AP3B1: variants seen among roughly 807,000 people sequenced by gnomAD.
The protein encoded by AP3B1 is adaptor related protein complex 3 subunit beta 1.
Under a neutral mutation model 132.5 loss-of-function variants are expected in AP3B1, and 61 were observed. The ratio of observed to expected loss-of-function variants is 0.46; its 90% CI spans 0.37 to 0.57. AP3B1 has a LOEUF of 0.57. Among genes scored for constraint, AP3B1 ranks in the 20% least tolerant of loss-of-function variants. The pLI is 0.00. For synonymous variants in AP3B1, 388 were observed against 438.3 expected (o/e 0.89, Z 1.43); for missense variants, 1,120 against 1,289.4 (o/e 0.87, Z 2.01).
At chr5:78,090,836 G>GCAA (rs1750477487) in intron 21 of AP3B1, among the ~76,000 whole-genome samples, 1 of 152,072 alleles carries the variant, frequency 6.6e-6, no homozygotes, top group Non-Finnish European at 1.5e-5. Flanking sequence ...TTTGGAGATA[G>GCAA]GGTCTTGCTC....
chr5:78,166,659 C>T (rs146151201), intron 11 of AP3B1, among the ~76,000 whole-genome samples: 28 of 152,170 alleles, frequency 1.8e-4, no homozygotes, highest in African/African-American at 2.9e-4. Flanking sequence ...AACATAAATA[C>T]ATTCATATCA....
Position 78,036,188 on chromosome 5 carries a change from A to C in AP3B1, c.2810-1743T>G, listed in dbSNP as rs993446940. Reference sequence around the variant, plus strand: ...GATAATTAACTGTGAGCTTAGTGCCATACTAATTCTGGGGGACAGTCCATG... The same window carrying C: ...GATAATTAACTGTGAGCTTAGTGCCCTACTAATTCTGGGGGACAGTCCATG... On this transcript the variant is annotated intron_variant, in intron 23 of 26. Coordinates refer to ENST00000255194, the MANE Select transcript of AP3B1 (RefSeq NM_003664.5). Among the ~76,000 whole-genome samples, 54 of 152,272 alleles carry C rather than the reference A, an allele frequency of 3.5e-4. 1 individual carries two copies. The highest frequency in any genetic ancestry group is 1.3e-3 in the African/African-American group (52 of 41,568).
At chr5:78,079,116 T>C (rs1372115785) in intron 22 of AP3B1, among the ~76,000 whole-genome samples, 1 of 152,248 alleles carries the variant, frequency 6.6e-6, no homozygotes, top group Non-Finnish European at 1.5e-5. Context: ...AGGCAAATCC[T>C]GCTTTAAACT....
chr5:78,120,512 T>G (rs1224018864), intron 17 of AP3B1, among the ~76,000 whole-genome samples: 1 of 151,452 alleles, frequency 6.6e-6, no homozygotes, highest in African/African-American at 2.4e-5. Context: ...ACCAAGCAAA[T>G]GGAAAACAAA....
chr5:78,147,972 G>A (rs1753484852), intron 14 of AP3B1, among the ~76,000 whole-genome samples: 2 of 152,058 alleles, frequency 1.3e-5, no homozygotes, highest in East Asian at 3.9e-4. Context: ...GGTGGAGGTT[G>A]CAGTGAGATG....
Position 78,128,114 on chromosome 5 carries a change from A to G in AP3B1, c.1884T>C (p.Ile628=). The G allele has an allele frequency of 6.2e-7, 1 of 1,612,844 alleles. No homozygotes were observed. The highest frequency in any genetic ancestry group is 2.2e-5 in the East Asian group (1 of 44,854). The change falls in exon 17 of 27, where the codon ATT becomes ATC. Residue 628 remains isoleucine, a synonymous_variant. Transcript: ENST00000255194. ...ATAATTCCAGGTACCCAGTAGCTTT[A>G]ATGTTGAGAGTATGAGATAAGGTGC... ...QLGTLSHTLN[I]KATGYLELSN...
At chr5:78,253,298 C>T (rs748418750) in intron 2 of AP3B1, among the ~76,000 whole-genome samples, 5 of 152,188 alleles carry the variant, frequency 3.3e-5, no homozygotes, top group Non-Finnish European at 7.3e-5. Flanking sequence ...CAATAAATAC[C>T]TAACTCTTCA....
chr5:78,175,883 A>C (rs775826291), intron 9 of AP3B1, 45 bp from the exon 10 acceptor site: 9 of 1,406,742 alleles, frequency 6.4e-6, no homozygotes, highest in Non-Finnish European at 9.1e-6. Flanking sequence ...GTTCCAATGA[A>C]ACATCTTTGA....
At chr5:78,072,712 CTTTTTTTTTTTTT>C (rs34203981) in intron 22 of AP3B1, among the ~76,000 whole-genome samples, 4 of 68,264 alleles carry the variant, frequency 5.9e-5, no homozygotes, top group East Asian at 5.8e-4. Flanking sequence ...CTGATATATT[CTTTTTTTTTTTTT>C]TTTTTTTTTT....
In AP3B1 at chr5:78,101,000, T is replaced by C. The variant is rs776144895; in HGVS notation, c.2423A>G (p.Asp808Gly). The C allele has an allele frequency of 4.5e-6, 7 of 1,549,540 alleles. No individual in the cohort carries two copies. In the African/African-American group the frequency reaches 9.5e-5, roughly 21 times the overall value. ...AACATCTTTGGTAAGAGGAGTTCTA[T>C]CTTGCTTTGTTTTCTTTTCTTTCTC... ...TKEKEKKTKQ[D>G]RTPLTKDVSL... Residue 808 changes from aspartate (D) to glycine (G), a missense_variant, in exon 21 of 27, where the codon GAT becomes GGT. Asp to Gly is a moderately conservative substitution (Grantham distance 94). Coordinates refer to ENST00000255194, the MANE Select transcript of AP3B1 (RefSeq NM_003664.5).
intron 7 of AP3B1, among the ~76,000 whole-genome samples, chr5:78,201,767 A>C: frequency 6.6e-6 from 1 of 152,326 alleles, no homozygotes; most frequent in East Asian, 1.9e-4. Context: ...GAGACATCCA[A>C]GGAGATGTAT....
intron 1 of AP3B1, among the ~76,000 whole-genome samples, chr5:78,287,524 C>G (rs560091274): frequency 6.6e-6 from 1 of 152,120 alleles, no homozygotes; most frequent in Non-Finnish European, 1.5e-5. Flanking sequence ...TGGAACCCTA[C>G]TGCACCACTG....
At chr5:78,177,873 T>C (rs2112406572) in intron 8 of AP3B1, among the ~76,000 whole-genome samples, 1 of 152,352 alleles carries the variant, frequency 6.6e-6, no homozygotes. Context: ...CCTCAGAGCG[T>C]ACAGAAGTAA....
chr5:78,206,574 G>C (rs965367555), intron 7 of AP3B1, among the ~76,000 whole-genome samples: 3 of 152,244 alleles, frequency 2.0e-5, no homozygotes, highest in Admixed American at 6.5e-5. Context: ...CGGACTATAT[G>C]TAAGTGTCAA....
intron 2 of AP3B1, among the ~76,000 whole-genome samples, chr5:78,252,554 G>A (rs927169543): frequency 6.6e-6 from 1 of 152,180 alleles, no homozygotes; most frequent in African/African-American, 2.4e-5. Context: ...GAGACCTTGG[G>A]CGTTAAGGGA....
chr5:78,280,072 C>CA (rs70997984), intron 1 of AP3B1, among the ~76,000 whole-genome samples: 5,025 of 84,752 alleles, frequency 0.059, 332 homozygotes, highest in African/African-American at 0.2. Context: ...GACTCTGTCT[C>CA]AAAAAAAAAA....
At chr5:78,273,276 G>A (rs577940434) in intron 1 of AP3B1, among the ~76,000 whole-genome samples, 17 of 152,206 alleles carry the variant, frequency 1.1e-4, no homozygotes, top group South Asian at 1.0e-3. Context: ...GTGGTGACAT[G>A]CGCCTGTAAT....
At chr5:78,292,680 A>T (rs934404574) in intron 1 of AP3B1, among the ~76,000 whole-genome samples, 2 of 152,126 alleles carry the variant, frequency 1.3e-5, no homozygotes, top group African/African-American at 4.8e-5. Context: ...GTGCACAAAT[A>T]CTCAATAAAT....
chr5:78,237,557 C>G (rs1746930594), intron 3 of AP3B1, among the ~76,000 whole-genome samples: 1 of 152,028 alleles, frequency 6.6e-6, no homozygotes, highest in Non-Finnish European at 1.5e-5. Flanking sequence ...CCCATAATCC[C>G]AGCACTTTGG....
Sources: allele counts gnomAD v4.1 joint callset (sites outside exome capture counted in the v4.1 genomes callset), GRCh38; gene constraint gnomAD v4.1.1; transcripts MANE v1.5; gene names NCBI Gene and HGNC (gene_info 2026-07-23, HGNC 2026-07-21).